The following IL1RAPL2 variants were observed in gnomAD, a reference collection of about 807,000 sequenced individuals.
IL1RAPL2 encodes interleukin 1 receptor accessory protein like 2.
In IL1RAPL2, 3 loss-of-function variants were observed where a neutral mutation model predicts 44.1. The ratio of observed to expected loss-of-function variants is 0.07; its 90% confidence interval spans 0.03 to 0.18. IL1RAPL2 has a LOEUF of 0.18. Among genes scored for constraint, IL1RAPL2 ranks in the 10% least tolerant of loss-of-function variants. The pLI, the probability that IL1RAPL2 is intolerant of heterozygous loss-of-function variation, is 1.00. For synonymous variants in IL1RAPL2, 181 were observed against 178.8 expected, an observed-to-expected ratio of 1.01 and a Z score of -0.10; for missense variants, 391 against 496.4, an observed-to-expected ratio of 0.79 and a Z score of 2.02.
In IL1RAPL2 at chrX:105,117,936, A is replaced by G. The variant is rs769266686; in HGVS notation, c.83-77539A>G. On this transcript the variant is annotated intron_variant, in intron 2 of 10. Coordinates refer to ENST00000372582, the MANE Select transcript of IL1RAPL2 (RefSeq NM_017416.2). ...TTAAGGGATATTGTTGAGATCATTA[A>G]TATCATTTAGGTACATGAAGTACAG... 2.3e-3 allele frequency among the ~76,000 whole-genome samples: 259 copies of G among 112,042 alleles called. 1 individual carries two copies. The highest frequency in any genetic ancestry group is 7.8e-3 in the African/African-American group (239 of 30,780).
At chrX:104,671,021 T>C (rs1205014621) in intron 2 of IL1RAPL2, among the ~76,000 whole-genome samples, 1 of 111,535 alleles carries the variant, frequency 9.0e-6, no homozygotes, top group Non-Finnish European at 1.9e-5. Flanking sequence ...ATATAATATA[T>C]GGCATACAAG....
chrX:105,098,855 T>C (rs1055020150), intron 2 of IL1RAPL2, among the ~76,000 whole-genome samples: 2 of 111,823 alleles, frequency 1.8e-5, no homozygotes, highest in Admixed American at 9.5e-5. Context: ...CAAAAATCTA[T>C]GGGATAAGTT....
At chrX:105,058,118 T>C (rs957842367) in intron 2 of IL1RAPL2, among the ~76,000 whole-genome samples, 2 of 110,161 alleles carry the variant, frequency 1.8e-5, no homozygotes, top group Non-Finnish European at 3.8e-5. Flanking sequence ...CCGGCTATTT[T>C]TTTTTTGTAT....
chrX:105,690,463 G>T (rs186767428), intron 6 of IL1RAPL2, among the ~76,000 whole-genome samples: 46 of 110,008 alleles, frequency 4.2e-4, no homozygotes, highest in African/African-American at 1.4e-3. Flanking sequence ...TACAACTTTA[G>T]GAAGAACATG....
intron 6 of IL1RAPL2, among the ~76,000 whole-genome samples, chrX:105,684,252 A>G (rs1329292409): frequency 8.9e-6 from 1 of 112,438 alleles, no homozygotes; most frequent in Non-Finnish European, 1.9e-5. Flanking sequence ...GGGAAGCACA[A>G]GGGGTTGGGG....
At chrX:105,184,546 A>G (rs1377101613) in intron 2 of IL1RAPL2, among the ~76,000 whole-genome samples, 2 of 110,114 alleles carry the variant, frequency 1.8e-5, no homozygotes, top group African/African-American at 6.5e-5. Context: ...TTTATAAAAT[A>G]TGAATATGTT....
chrX:105,116,941 G>A (rs190381768), intron 2 of IL1RAPL2, among the ~76,000 whole-genome samples: 70 of 111,725 alleles, frequency 6.3e-4, no homozygotes, highest in African/African-American at 2.1e-3. Flanking sequence ...AATATATTTC[G>A]GAAAGACTCT....
chrX:105,311,069 CCTT>C (rs1324789336), intron 5 of IL1RAPL2, among the ~76,000 whole-genome samples: 1 of 111,017 alleles, frequency 9.0e-6, no homozygotes, highest in Non-Finnish European at 1.9e-5. Context: ...TACAAAATGT[CCTT>C]CTTTATCTTT....
chrX:104,672,259 A>G (rs1930622912), intron 2 of IL1RAPL2, among the ~76,000 whole-genome samples: 3 of 109,792 alleles, frequency 2.7e-5, no homozygotes, highest in Non-Finnish European at 5.7e-5. Context: ...TCCCCCACCC[A>G]TAACAGTCCC....
intron 2 of IL1RAPL2, among the ~76,000 whole-genome samples, chrX:104,981,091 T>G (rs12843874): frequency 5.7e-5 from 4 of 69,875 alleles, no homozygotes; most frequent in South Asian, 5.6e-4. Context: ...GTGTGTGTGT[T>G]TGTGTGTGTG....
chrX:104,926,215 T>C (rs1335906832), intron 2 of IL1RAPL2, among the ~76,000 whole-genome samples: 1 of 112,124 alleles, frequency 8.9e-6, no homozygotes, highest in African/African-American at 3.2e-5. Context: ...GAAAATCATT[T>C]CCAATGTCTG....
At chrX:104,676,133 C>G (rs774837519) in intron 2 of IL1RAPL2, among the ~76,000 whole-genome samples, 16 of 109,826 alleles carry the variant, frequency 1.5e-4, no homozygotes, top group African/African-American at 5.3e-4. Context: ...TGAATTTGAT[C>G]CTGTCATTAT....
intron 6 of IL1RAPL2, among the ~76,000 whole-genome samples, chrX:105,499,698 C>T (rs968234900): frequency 9.0e-6 from 1 of 111,449 alleles, no homozygotes; most frequent in African/African-American, 3.3e-5. Context: ...GAGCTATCAC[C>T]TCATACCTGT....
chrX:105,065,316 G>A (rs757100260), intron 2 of IL1RAPL2, among the ~76,000 whole-genome samples: 9 of 111,530 alleles, frequency 8.1e-5, no homozygotes, highest in African/African-American at 2.9e-4. Context: ...ACAACCTGTG[G>A]TTACAAAAAC....
intron 2 of IL1RAPL2, among the ~76,000 whole-genome samples, chrX:105,065,718 A>C (rs1388080480): frequency 4.5e-5 from 5 of 112,167 alleles, no homozygotes; most frequent in Non-Finnish European, 9.4e-5. Context: ...ATGCTATTTT[A>C]AGAAATGGGT....
intron 2 of IL1RAPL2, among the ~76,000 whole-genome samples, chrX:105,191,979 T>G (rs1556137519): frequency 9.0e-6 from 1 of 111,650 alleles, no homozygotes; most frequent in African/African-American, 3.3e-5. Flanking sequence ...GGAGCTTGCT[T>G]AAATAGGTAC....
Position 105,307,561 on chromosome X carries a change from TTA to T in IL1RAPL2, c.697+40028_697+40029del, listed in dbSNP as rs769174523. On this transcript the variant is annotated intron_variant, in intron 5 of 10. Transcript: ENST00000372582. Reference sequence around the variant, plus strand: ...TATTATATATAATATATATTTTCTATTATATATATTATATATAATATATATTT... The same window carrying T: ...TATTATATATAATATATATTTTCTATTATATATTATATATAATATATATTT... Among the ~76,000 whole-genome samples, 119 of 50,827 alleles carry T rather than the reference TTA, an allele frequency of 2.3e-3. 3 individuals are homozygous for T. Among genetic ancestry groups the T allele is most frequent in the African/African-American group, 3.9e-3 (33 of 8,484 alleles). The allele number at this position is 50,827 out of a possible 115,157, so 44.1% of individuals were successfully genotyped here.
intron 1 of IL1RAPL2, among the ~76,000 whole-genome samples, chrX:104,643,781 CATT>C (rs1165772151): frequency 9.0e-6 from 1 of 111,345 alleles, no homozygotes; most frequent in Non-Finnish European, 1.9e-5. Flanking sequence ...AATATTAAAT[CATT>C]AATATTAATG....
At chrX:105,535,384 GA>G (rs2036670066) in intron 6 of IL1RAPL2, among the ~76,000 whole-genome samples, 1 of 111,802 alleles carries the variant, frequency 8.9e-6, no homozygotes, top group African/African-American at 3.3e-5. Flanking sequence ...AGCCATTCTG[GA>G]AAAAAGTTTG....
Sources: gnomAD v4.1 joint callset for allele counts (sites outside exome capture counted in the v4.1 genomes callset) on GRCh38, gnomAD v4.1.1 for gene constraint, MANE v1.5 for transcripts, NCBI Gene and HGNC (gene_info 2026-07-23, HGNC 2026-07-21) for gene names.